NALCN: variants seen among roughly 807,000 people sequenced by gnomAD.
NALCN encodes the protein sodium leak channel, non-selective.
A neutral mutation model predicts 225.3 loss-of-function variants in NALCN; 111 were observed. The observed-to-expected ratio is 0.49, with a 90% CI of 0.42 to 0.58. The LOEUF (loss-of-function observed/expected upper bound fraction) is 0.58. NALCN is among the 20% of genes least tolerant of loss of function. NALCN has a pLI of 0.00. For missense variants in NALCN, 1,378 were observed against 2,202.4 expected, an observed-to-expected ratio of 0.63 and a Z score of 7.49; for synonymous variants, 764 against 769.0, an observed-to-expected ratio of 0.99 and a Z score of 0.11.
intron 17 of NALCN, among the ~76,000 whole-genome samples, chr13:101,129,298 T>A (rs1425318015): frequency 1.3e-5 from 2 of 152,224 alleles, no homozygotes; most frequent in African/African-American, 4.8e-5. Flanking sequence ...AGGTAACCAA[T>A]TACTATTTAA....
At position 101,359,539 on chromosome 13, in the gene NALCN, T is replaced by C. The variant is rs575283661; in HGVS notation, c.645-14119A>G. Among the ~76,000 whole-genome samples, 3 of 152,356 alleles carry C rather than the reference T, an allele frequency of 2.0e-5. No homozygotes were observed. The East Asian group carries it at 5.8e-4, about 29-fold the overall frequency. On this transcript the variant is annotated intron_variant, in intron 6 of 43. Transcript: ENST00000251127. ...TCCTAGTGCAGTTAATGTTTATGAT[T>C]CACTTGGTTAAAGAGCTCTCTGACA... is the stretch of plus-strand genomic sequence containing the variant.
intron 41 of NALCN, among the ~76,000 whole-genome samples, chr13:101,061,016 A>T (rs1388825538): frequency 1.1e-4 from 16 of 152,334 alleles, no homozygotes; most frequent in African/African-American, 3.8e-4. Context: ...GAGGAAGAGG[A>T]TTGAAACAAT....
At chr13:101,281,877 A>T (rs2043179708) in intron 10 of NALCN, among the ~76,000 whole-genome samples, 1 of 152,136 alleles carries the variant, frequency 6.6e-6, no homozygotes, top group Admixed American at 6.5e-5. Context: ...CAAAGAAGAC[A>T]TATGAATGGC....
At position 101,248,037 on chromosome 13, in the gene NALCN, G is replaced by A. The variant is rs528750933; in HGVS notation, c.1267-10115C>T. On this transcript the variant is annotated intron_variant, in intron 11 of 43. Transcript: ENST00000251127. ...CTGCCTAGTATTCCATAGTGTATAC[G>A]TACCACATTTTCTTTATCCAGTCTA... Among the ~76,000 whole-genome samples, 10 of 152,210 alleles carry A rather than the reference G, an allele frequency of 6.6e-5. No individual in the cohort carries two copies. The East Asian group carries it at 1.2e-3, about 18-fold the overall frequency.
chr13:101,292,320 C>T lies in NALCN; in HGVS notation c.846G>A (p.Trp282Ter). 1 of 1,614,060 alleles carries T rather than the reference C, an allele frequency of 6.2e-7. No individual in the cohort carries two copies. The highest frequency in any genetic ancestry group is 8.5e-7 in the Non-Finnish European group (1 of 1,180,008). The change falls in exon 8 of 44, where the codon TGG (tryptophan) becomes TGA (stop). Residue 282 changes from tryptophan to a stop codon, truncating the protein, a stop_gained. Transcript: ENST00000251127. LOFTEE classifies it high-confidence loss of function. The surrounding 1 kb of genome is among the most constrained non-coding windows in gnomAD (Gnocchi z 4.3). ...CAATTGCTCTGTACATGAGGAACACCCAGCCTTCCTGTGAGGCGGCCTCAT... is the reference window on the plus strand; with the variant it reads ...CAATTGCTCTGTACATGAGGAACACTCAGCCTTCCTGTGAGGCGGCCTCAT... ...TVYEAASQEGWVFLMYRAIDS... is the reference protein window; with the variant it reads ...TVYEAASQEG
intron 5 of NALCN, 25 bp from the exon 6 acceptor site, chr13:101,376,853 T>C (rs1286155599): frequency 6.2e-7 from 1 of 1,612,636 alleles, no homozygotes; most frequent in Non-Finnish European, 8.5e-7. Context: ...GTAGGTAAAG[T>C]ACATAAAACT....
chr13:101,279,836 AAAATAAATAAATAAAT>A (rs71121179), intron 10 of NALCN, among the ~76,000 whole-genome samples: 2 of 134,048 alleles, frequency 1.5e-5, no homozygotes, highest in Non-Finnish European at 3.1e-5. Flanking sequence ...ATAAATAAAT[AAAATAAATAAATAAAT>A]AAATAAATAA....
chr13:101,240,631 T>C (rs1359666049), intron 11 of NALCN, among the ~76,000 whole-genome samples: 1 of 152,108 alleles, frequency 6.6e-6, no homozygotes, highest in Non-Finnish European at 1.5e-5. Flanking sequence ...GGTTGCTAAA[T>C]ACAAAATGGT....
intron 15 of NALCN, among the ~76,000 whole-genome samples, chr13:101,166,023 TTTCAC>T (rs1224150200): frequency 6.6e-6 from 1 of 152,242 alleles, no homozygotes; most frequent in African/African-American, 2.4e-5. Flanking sequence ...GACTGGCTTA[TTTCAC>T]TTAGCATGAT....
chr13:101,257,929 A>C (rs2042293208), intron 11 of NALCN, among the ~76,000 whole-genome samples: 1 of 152,184 alleles, frequency 6.6e-6, no homozygotes, highest in Non-Finnish European at 1.5e-5. Context: ...GTAGAGTGCT[A>C]GGGAGATGCT....
In NALCN at chr13:101,144,841, C is replaced by T. The variant is rs774880252; in HGVS notation, c.1895G>A (p.Arg632Gln). Residue 632 changes from arginine (R) to glutamine (Q), a missense_variant, in exon 16 of 44, where the codon CGA becomes CAA. Arg to Gln is a conservative substitution (Grantham distance 43). Around this residue, in one of 19 missense-constraint regions of NALCN, gnomAD observed 62 missense variants for 143.6 expected, o/e 0.43. Transcript: ENST00000251127. ...TCTGTTTGGAAATTTTTCAAAGATT[C>T]GCAGGCGTAAAGGGAGCTTTTCTTT... ...DTKEKLPLRLRIFEKFPNRPQ... is the reference protein window; with the variant it reads ...DTKEKLPLRLQIFEKFPNRPQ... 4 of 1,613,348 alleles carry T rather than the reference C, an allele frequency of 2.5e-6. No individual in the cohort carries two copies. The highest frequency in any genetic ancestry group is 1.7e-5 in the Admixed American group (1 of 59,956).
chr13:101,078,919 G>A (rs2033442389), intron 34 of NALCN, among the ~76,000 whole-genome samples: 1 of 152,124 alleles, frequency 6.6e-6, no homozygotes, highest in Non-Finnish European at 1.5e-5. Context: ...TTGAATTAAG[G>A]GAGGCAGTTT....
chr13:101,088,127 CTG>C (rs1301384302), intron 30 of NALCN, among the ~76,000 whole-genome samples: 1 of 152,136 alleles, frequency 6.6e-6, no homozygotes. Context: ...ACTGTTCTTT[CTG>C]TCTCTAACAT....
intron 15 of NALCN, among the ~76,000 whole-genome samples, chr13:101,154,014 T>C (rs577770252): frequency 5.9e-5 from 9 of 152,320 alleles, no homozygotes; most frequent in South Asian, 2.1e-4. Flanking sequence ...ATTTAACTCT[T>C]ATAAATCCTT....
intron 18 of NALCN, chr13:101,116,798 T>C (rs1428406842): frequency 1.3e-5 from 5 of 379,622 alleles, no homozygotes; most frequent in Non-Finnish European, 2.6e-5. Context: ...CCAAGGTTGG[T>C]TAATGTAATG....
intron 13 of NALCN, among the ~76,000 whole-genome samples, chr13:101,207,558 A>G (rs1174156473): frequency 1.3e-5 from 2 of 152,338 alleles, no homozygotes; most frequent in African/African-American, 4.8e-5. Context: ...GATACATAGT[A>G]TTGAGACATG....
chr13:101,290,572 T>G lies in NALCN; in HGVS notation c.1047+1418A>C, dbSNP rs532611783. 6.5e-4 allele frequency among the ~76,000 whole-genome samples: 99 copies of G among 152,332 alleles called. 1 individual carries two copies. The South Asian group carries it at 0.02, about 31-fold the overall frequency. On this transcript the variant is annotated intron_variant, in intron 9 of 43. Transcript: ENST00000251127. ...ATTCAAAAAACCTTTCATGGAAGTT[T>G]GAACAGTTGTTTGTAAAAACTGAAT...
rs536492460 is a variant in NALCN, at chr13:101,125,713, G to A, written c.2119-1032C>T. Among the ~76,000 whole-genome samples the A allele has an allele frequency of 2.6e-5, 4 of 152,262 alleles. No homozygotes were observed. The South Asian group carries it at 6.2e-4, about 24-fold the overall frequency. On this transcript the variant is annotated intron_variant, in intron 17 of 43. Coordinates refer to ENST00000251127, the MANE Select transcript of NALCN (RefSeq NM_052867.4). ...CTCTCTGCGGTGGAACAGCAAGTCTGGACTAGTCGGCAAAGGCTTCAATGA... is the reference window on the plus strand; with the variant it reads ...CTCTCTGCGGTGGAACAGCAAGTCTAGACTAGTCGGCAAAGGCTTCAATGA...
intron 18 of NALCN, among the ~76,000 whole-genome samples, chr13:101,118,412 C>T (rs980444813): frequency 1.9e-4 from 29 of 152,066 alleles, no homozygotes; most frequent in African/African-American, 6.3e-4. Flanking sequence ...AAATCAGGTA[C>T]TATCTAAAAA....
Sources: gnomAD v4.1 joint callset for allele counts (sites outside exome capture counted in the v4.1 genomes callset) on GRCh38, gnomAD v4.1.1 for gene constraint, gnomAD v4.1.1 regional missense constraint, Gnocchi (gnomAD v3.1) non-coding constraint, MANE v1.5 for transcripts, NCBI Gene and HGNC (gene_info 2026-07-23, HGNC 2026-07-21) for gene names.